BMPR2: variants seen among roughly 807,000 people sequenced by gnomAD.
BMPR2 encodes the protein bone morphogenetic protein receptor type-2.
BMPR2 carries 29 observed loss-of-function variants against 100.8 expected under a neutral mutation model. The ratio of observed to expected loss-of-function variants is 0.29; its 90% CI spans 0.21 to 0.39. BMPR2 has a LOEUF of 0.39. Ranked by LOEUF, BMPR2 falls within the 10% of genes least tolerant of loss-of-function variation. The pLI is 1.00. For synonymous variants in BMPR2, 382 were observed against 442.3 expected (o/e 0.86, Z 1.71); for missense variants, 1,011 against 1,274.5 (o/e 0.79, Z 3.15).
chr2:202,502,791 A>G lies in BMPR2; in HGVS notation c.419-10928A>G, dbSNP rs569600354. Among the ~76,000 whole-genome samples, 227 of 152,270 alleles carry G rather than the reference A, an allele frequency of 1.5e-3. 1 individual carries two copies. Among genetic ancestry groups the G allele is most frequent in the African/African-American group, 5.1e-3 (210 of 41,552 alleles). On this transcript the variant is annotated intron_variant, in intron 3 of 12. Coordinates refer to ENST00000374580, the MANE Select transcript of BMPR2 (RefSeq NM_001204.7). Reference sequence around the variant, plus strand: ...TCGGGGGTAGCACAAGATGCCACCCAGCGTTTACAGGAAAAGGCTTCTGAA... The same window carrying G: ...TCGGGGGTAGCACAAGATGCCACCCGGCGTTTACAGGAAAAGGCTTCTGAA...
At chr2:202,381,845 A>G (rs924335295) in intron 1 of BMPR2, among the ~76,000 whole-genome samples, 14 of 152,088 alleles carry the variant, frequency 9.2e-5, no homozygotes, top group African/African-American at 2.9e-4. Context: ...ATAACTGTTC[A>G]CACAAGACAA....
chr2:202,407,842 T>G (rs948133222), intron 1 of BMPR2, among the ~76,000 whole-genome samples: 7 of 150,852 alleles, frequency 4.6e-5, no homozygotes, highest in African/African-American at 1.7e-4. Context: ...TTTCTTTTCT[T>G]TTTTTTTTGG....
At chr2:202,462,043 A>T (rs906328103) in intron 1 of BMPR2, among the ~76,000 whole-genome samples, 13 of 151,944 alleles carry the variant, frequency 8.6e-5, no homozygotes, top group Non-Finnish European at 1.6e-4. Context: ...TTTTGAAGAG[A>T]TGGTCTTTCC....
Position 202,559,776 on chromosome 2 carries a change from C to T in BMPR2, c.2947C>T (p.Arg983Trp), listed in dbSNP as rs1470605273. 6.2e-7 allele frequency: 1 copy of T among 1,614,130 alleles called. No individual in the cohort carries two copies. The highest frequency in any genetic ancestry group is 8.5e-7 in the Non-Finnish European group (1 of 1,180,010). Residue 983 changes from arginine to tryptophan, a missense_variant, in exon 13 of 13, where the codon CGG becomes TGG. Around this residue, in one of 6 missense-constraint regions of BMPR2, gnomAD observed 58 missense variants for 72.3 expected, o/e 0.80. Coordinates refer to ENST00000374580, the MANE Select transcript of BMPR2 (RefSeq NM_001204.7). ...KRVKTPYSLKRWRPSTWVIST... is the reference protein window; with the variant it reads ...KRVKTPYSLKWWRPSTWVIST... ...TGTGAAAACTCCCTATTCTCTTAAGCGGTGGCGCCCCTCCACCTGGGTCAT... is the reference window on the plus strand; with the variant it reads ...TGTGAAAACTCCCTATTCTCTTAAGTGGTGGCGCCCCTCCACCTGGGTCAT...
At chr2:202,436,319 G>A (rs1691614247) in intron 1 of BMPR2, among the ~76,000 whole-genome samples, 1 of 149,718 alleles carries the variant, frequency 6.7e-6, no homozygotes, top group Non-Finnish European at 1.5e-5. Flanking sequence ...GATAGCCTGC[G>A]CCTGTGGTCC....
chr2:202,553,646 G>A (rs1031658184), intron 11 of BMPR2, among the ~76,000 whole-genome samples: 4 of 151,544 alleles, frequency 2.6e-5, no homozygotes, highest in East Asian at 3.9e-4. Flanking sequence ...AAATAAACTC[G>A]ATTCTTGAAA....
chr2:202,492,359 T>G (rs758059989), intron 3 of BMPR2, among the ~76,000 whole-genome samples: 26 of 151,752 alleles, frequency 1.7e-4, no homozygotes, highest in Non-Finnish European at 3.4e-4. Context: ...TACACGAAAA[T>G]GTATATAATT....
At chr2:202,440,605 C>G (rs1224512245) in intron 1 of BMPR2, among the ~76,000 whole-genome samples, 2 of 150,680 alleles carry the variant, frequency 1.3e-5, no homozygotes, top group Admixed American at 1.3e-4. Context: ...CTTTGGGAGG[C>G]CAAGGCAGGC....
chr2:202,397,698 C>T (rs1238089925), intron 1 of BMPR2, among the ~76,000 whole-genome samples: 1 of 151,522 alleles, frequency 6.6e-6, no homozygotes, highest in East Asian at 2.0e-4. Flanking sequence ...CAGGGTCTCA[C>T]CATGTTGCCC....
At chr2:202,531,930 A>ATTTTTTTTTT (rs71035015) in intron 8 of BMPR2, among the ~76,000 whole-genome samples, 2 of 52,294 alleles carry the variant, frequency 3.8e-5, no homozygotes, top group Non-Finnish European at 3.2e-5. Context: ...GCCCAGCTGT[A>ATTTTTTTTTT]TTTTTTTTTT....
rs181229488 is a variant in BMPR2, at chr2:202,537,825, A to T, written c.1277-4486A>T. The stretch of plus-strand genomic sequence containing the variant: ...ATCTGTACTTGTGGTTATCTGTTAA[A>T]AGAATGAGATGTCAGGCCAGGTGTG... On this transcript the variant is annotated intron_variant, in intron 9 of 12. Coordinates refer to ENST00000374580, the MANE Select transcript of BMPR2 (RefSeq NM_001204.7). 2.6e-3 allele frequency among the ~76,000 whole-genome samples: 394 copies of T among 152,262 alleles called. 1 individual carries two copies. The highest frequency in any genetic ancestry group is 9.1e-3 in the African/African-American group (380 of 41,558).
chr2:202,558,238 G>A (rs1037525611), intron 12 of BMPR2, among the ~76,000 whole-genome samples: 7 of 151,986 alleles, frequency 4.6e-5, no homozygotes, highest in African/African-American at 9.7e-5. Flanking sequence ...TCAGCCTCCC[G>A]AGTAGCTGGG....
chr2:202,467,286 AGAT>A (rs1692343483), intron 2 of BMPR2, among the ~76,000 whole-genome samples: 1 of 152,186 alleles, frequency 6.6e-6, no homozygotes, highest in African/African-American at 2.4e-5. Flanking sequence ...AATAATTCTT[AGAT>A]TAATCATGCA....
Position 202,566,930 on chromosome 2 carries a change from G to A in BMPR2, c.*6984G>A, listed in dbSNP as rs1454196563. 6.6e-6 allele frequency: 1 copy of A among 152,108 alleles called. No individual in the cohort carries two copies. Among genetic ancestry groups the A allele is most frequent in the Non-Finnish European group, 1.5e-5 (1 of 67,998 alleles). The allele number at this position is 152,108 out of a possible 1,614,324, so 9.4% of individuals were successfully genotyped here. A position where few individuals can be genotyped will look rare whatever the true frequency, so the allele number is the denominator to read the frequency against. ...GTAAAGGAAACATATTTTTAAAGAA[G>A]CTTAACAGTAAGAAAAAATTACTAA... is the stretch of plus-strand genomic sequence containing the variant. On this transcript the variant is annotated 3_prime_UTR_variant, in exon 13 of 13. Transcript: ENST00000374580.
intron 9 of BMPR2, among the ~76,000 whole-genome samples, chr2:202,536,060 C>A (rs906462831): frequency 6.6e-6 from 1 of 151,824 alleles, no homozygotes; most frequent in East Asian, 1.9e-4. Flanking sequence ...AGAGGGAGAC[C>A]GTGGAAAGAG....
chr2:202,540,917 G>A (rs1688257340), intron 9 of BMPR2, among the ~76,000 whole-genome samples: 1 of 152,128 alleles, frequency 6.6e-6, no homozygotes, highest in Admixed American at 6.6e-5. Context: ...AACAGTCTCT[G>A]TGTTCTTTGC....
At chr2:202,415,726 A>G (rs1210284958) in intron 1 of BMPR2, among the ~76,000 whole-genome samples, 1 of 152,200 alleles carries the variant, frequency 6.6e-6, no homozygotes, top group Non-Finnish European at 1.5e-5. Flanking sequence ...GACTTACTGA[A>G]TATTTTAAGC....
chr2:202,395,112 G>C (rs1049701117), intron 1 of BMPR2, among the ~76,000 whole-genome samples: 1 of 152,044 alleles, frequency 6.6e-6, no homozygotes, highest in Admixed American at 6.6e-5. Flanking sequence ...TTGAACTCCT[G>C]ATCTCGTGGT....
Position 202,495,458 on chromosome 2 carries a change from G to A in BMPR2, c.419-18261G>A, listed in dbSNP as rs1247089605. Among the ~76,000 whole-genome samples the A allele has an allele frequency of 6.6e-6, 1 of 152,188 alleles. No homozygotes were observed. The highest frequency in any genetic ancestry group is 2.4e-5 in the African/African-American group (1 of 41,450). ...GCTGGCGTGCTCCTCTCGACGACCA[G>A]CCACTTTCTTCCGCCGATGTGCTCC... On this transcript the variant is annotated intron_variant, in intron 3 of 12. Coordinates refer to ENST00000374580, the MANE Select transcript of BMPR2 (RefSeq NM_001204.7). The surrounding 1 kb of genome is among the most constrained non-coding windows in gnomAD (Gnocchi z 4.5).
Sources: allele counts gnomAD v4.1 joint callset (sites outside exome capture counted in the v4.1 genomes callset), GRCh38; gene constraint gnomAD v4.1.1; regional missense constraint gnomAD v4.1.1; non-coding constraint Gnocchi (gnomAD v3.1); transcripts MANE v1.5; gene names NCBI Gene and HGNC (gene_info 2026-07-23, HGNC 2026-07-21).